Variants in CAPN15 observed in about 807,000 individuals in gnomAD.
CAPN15 encodes the protein calpain-15.
In CAPN15, 53 loss-of-function variants were observed where a neutral mutation model predicts 97.9. The ratio of observed to expected loss-of-function variants is 0.54; its 90% confidence interval spans 0.43 to 0.68. CAPN15 has a LOEUF of 0.68. CAPN15 is among the 30% of genes least tolerant of loss of function. The pLI is 0.00. For synonymous variants in CAPN15, 922 were observed against 722.5 expected (o/e 1.28, Z -4.43); for missense variants, 1,592 against 1,589.8 (o/e 1.00, Z -0.02).
At chr16:545,070 C>T (rs1017977536) in intron 3 of CAPN15, among the ~76,000 whole-genome samples, 6 of 151,826 alleles carry the variant, frequency 4.0e-5, no homozygotes, top group African/African-American at 7.3e-5. Context: ...GGGCTCCTGA[C>T]GCGAGCTTTT....
At chr16:538,878 C>G (rs536279642) in intron 3 of CAPN15, 31 of 151,782 alleles carry the variant, frequency 2.0e-4, no homozygotes, top group African/African-American at 6.5e-4. Context: ...CACCCCCACC[C>G]CCCCCAGCCC....
chr16:550,644 G>A (rs1342055398), intron 7 of CAPN15, among the ~76,000 whole-genome samples: 1 of 151,724 alleles, frequency 6.6e-6, no homozygotes, highest in African/African-American at 2.4e-5. Flanking sequence ...GTCAGTGAGG[G>A]TTCCCTGTCG....
chr16:527,793 C>T lies in CAPN15; in HGVS notation c.-426C>T, dbSNP rs1209837363. 6.7e-6 allele frequency: 1 copy of T among 148,652 alleles called. No homozygotes were observed. Among genetic ancestry groups the T allele is most frequent in the Non-Finnish European group, 1.5e-5 (1 of 66,754 alleles). The allele number at this position is 148,652 out of a possible 1,614,324, so 9.2% of individuals were successfully genotyped here. The stretch of plus-strand genomic sequence containing the variant: ...GGGGCCCGGGCCGGGCGCTACGCTA[C>T]GAAGGCAGCGTAAGGCGGGCGCCGG... On this transcript the variant is annotated 5_prime_UTR_variant, in exon 1 of 14. In the 5' UTR this introduces an upstream ATG that the reference lacks. Coordinates refer to ENST00000219611, the MANE Select transcript of CAPN15 (RefSeq NM_005632.3).
intron 3 of CAPN15, chr16:537,960 G>A (rs1357990767): frequency 2.0e-5 from 3 of 152,250 alleles, no homozygotes; most frequent in African/African-American, 4.8e-5. Flanking sequence ...CCTGGAGAAC[G>A]GGTCCTGGAT....
intron 3 of CAPN15, chr16:539,703 C>CT (rs1242773369): frequency 6.6e-6 from 1 of 152,400 alleles, no homozygotes; most frequent in Middle Eastern, 3.2e-3. Context: ...AAGCGGCCCC[C>CT]CAGATCTTCA....
rs767305318 is a variant in CAPN15 at position 552,738 on chromosome 16, C to T, written c.2871C>T (p.Ile957=). The T allele has an allele frequency of 3.2e-6, 5 of 1,544,282 alleles. No individual in the cohort carries two copies. The highest frequency in any genetic ancestry group is 3.5e-6 in the Non-Finnish European group (4 of 1,145,442). ...CGACCACGCTGGCCGACGCCATCAT[C>T]CTGCTCACCGAGAGCCGCGGAGAGC... ...AQPTTLADAI[I]LLTESRGERH... is the part of the protein sequence containing the mutation. Residue 957 remains isoleucine (I), a synonymous_variant, in exon 12 of 14, where the codon ATC becomes ATT. Coordinates refer to ENST00000219611, the MANE Select transcript of CAPN15 (RefSeq NM_005632.3). The surrounding 1 kb of genome is among the most constrained non-coding windows in gnomAD (Gnocchi z 6.4).
rs200680036 is a variant in CAPN15, at chr16:547,243, G to C, written c.405G>C (p.Glu135Asp). 6.6e-7 allele frequency: 1 copy of C among 1,514,078 alleles called. No individual in the cohort carries two copies. Among genetic ancestry groups the C allele is most frequent in the Non-Finnish European group, 8.8e-7 (1 of 1,137,256 alleles). 93.8% of individuals were successfully genotyped at this position (1,514,078 alleles called of 1,614,324 possible). A position where few individuals can be genotyped will look rare whatever the true frequency, so the allele number is the denominator to read the frequency against. ...DKDEEEKEEQ[E>D]EEEGAAEPRG... ...ACGAGGAGGAGAAGGAGGAGCAGGA[G>C]GAGGAGGAGGGAGCGGCGGAGCCCA... is the stretch of plus-strand genomic sequence containing the variant. Residue 135 changes from glutamate to aspartate, a missense_variant, in exon 4 of 14, where the codon GAG becomes GAC. By Grantham distance (45) the Glu-to-Asp change is conservative. This residue lies in a region of CAPN15 where 883 missense variants were observed against 776.6 expected (regional missense o/e 1.14). Transcript: ENST00000219611.
At position 552,264 on chromosome 16, in the gene CAPN15, G is replaced by T; in HGVS notation, c.2508-37G>T. ...TGGGCTGGGCTAGGCTGGCGGCCGT[G>T]ACCACGCGTGACCCTGGCCCGTGGT... On this transcript the variant is annotated intron_variant, in intron 10 of 13. Coordinates refer to ENST00000219611, the MANE Select transcript of CAPN15 (RefSeq NM_005632.3). This position sits in a 1 kb window ranked among gnomAD's most constrained non-coding sequence, Gnocchi z 6.4. The T allele has an allele frequency of 6.5e-7, 1 of 1,535,340 alleles. No individual in the cohort carries two copies. Among genetic ancestry groups the T allele is most frequent in the Non-Finnish European group, 8.8e-7 (1 of 1,140,766 alleles).
chr16:544,217 C>T (rs1567145299), intron 3 of CAPN15, among the ~76,000 whole-genome samples: 1 of 152,150 alleles, frequency 6.6e-6, no homozygotes, highest in Admixed American at 6.5e-5. Context: ...AGCAGAGCCC[C>T]CCATGGTATC....
chr16:540,158 C>T (rs559880187), intron 3 of CAPN15: 101 of 985,500 alleles, frequency 1.0e-4, no homozygotes, highest in Middle Eastern at 5.2e-4. Context: ...TGACCAGGTC[C>T]GGCTCTCAGC....
In CAPN15 at chr16:547,050, C is replaced by T. The variant is rs904293187; in HGVS notation, c.212C>T (p.Pro71Leu). ...KEACEVCGFT[P>L]EPAPGAAFLP... ...GCCTGCGAGGTGTGCGGCTTCACCCCGGAGCCTGCGCCTGGGGCTGCCTTC... is the reference window on the plus strand; with the variant it reads ...GCCTGCGAGGTGTGCGGCTTCACCCTGGAGCCTGCGCCTGGGGCTGCCTTC... The change falls in exon 4 of 14, where the codon CCG becomes CTG. Residue 71 changes from proline (P) to leucine (L), a missense_variant. This residue lies in a region of CAPN15 where 883 missense variants were observed against 776.6 expected (regional missense o/e 1.14). Transcript: ENST00000219611. 1.1e-5 allele frequency: 18 copies of T among 1,605,900 alleles called. No homozygotes were observed. The highest frequency in any genetic ancestry group is 1.4e-5 in the Non-Finnish European group (17 of 1,178,224).
rs1454366396 is a variant in CAPN15, at chr16:543,900, G to GC, written c.-22-2913dup. Among the ~76,000 whole-genome samples the GC allele has an allele frequency of 3.3e-5, 5 of 152,190 alleles. No individual in the cohort carries two copies. The South Asian group carries it at 1.0e-3, about 32-fold the overall frequency. On this transcript the variant is annotated intron_variant, in intron 3 of 13. Coordinates refer to ENST00000219611, the MANE Select transcript of CAPN15 (RefSeq NM_005632.3). ...ACGCCCCAGGACAGCAGGTGCTGTG[G>GC]CCCCATGACCGCTCCCCCACATGGA... is the stretch of plus-strand genomic sequence containing the variant.
chr16:547,271 G>C lies in CAPN15; in HGVS notation c.433G>C (p.Gly145Arg), dbSNP rs768256510. ...EEEEGAAEPR[G>R]GWACPRCTLH... is the part of the protein sequence containing the mutation. ...GGAGGAGGGAGCGGCGGAGCCCAGAGGGGGCTGGGCGTGTCCGCGTTGCAC... is the reference window on the plus strand; with the variant it reads ...GGAGGAGGGAGCGGCGGAGCCCAGACGGGGCTGGGCGTGTCCGCGTTGCAC... Residue 145 changes from glycine (G) to arginine (R), a missense_variant, in exon 4 of 14, where the codon GGG (glycine) becomes CGG (arginine). Transcript: ENST00000219611. The C allele has an allele frequency of 2.0e-6, 3 of 1,509,850 alleles. No individual in the cohort carries two copies. The highest frequency in any genetic ancestry group is 2.8e-5 in the African/African-American group (2 of 72,668). The allele number at this position is 1,509,850 out of a possible 1,614,324, so 93.5% of individuals were successfully genotyped here.
Position 532,418 on chromosome 16 carries a change from G to A in CAPN15, c.-189-1528G>A, listed in dbSNP as rs2033333512. Among the ~76,000 whole-genome samples the A allele has an allele frequency of 5.9e-5, 9 of 151,468 alleles. No individual in the cohort carries two copies. In the South Asian group the frequency reaches 1.9e-3, roughly 32 times the overall value. ...AAAAATACAAAAATTAGCTGGGCGT[G>A]GTGGTGTGTGCCTGTAATCCCAGAT... On this transcript the variant is annotated intron_variant, in intron 1 of 13. Coordinates refer to ENST00000219611, the MANE Select transcript of CAPN15 (RefSeq NM_005632.3).
intron 3 of CAPN15, among the ~76,000 whole-genome samples, chr16:545,036 G>A (rs370912022): frequency 2.6e-5 from 4 of 151,620 alleles, no homozygotes; most frequent in Non-Finnish European, 4.4e-5. Context: ...AAAGGGCTTC[G>A]CTCAGGCCTG....
At position 535,745 on chromosome 16, in the gene CAPN15, G is replaced by T. The variant is rs1314985573; in HGVS notation, c.-136-284G>T. Among the ~76,000 whole-genome samples the T allele has an allele frequency of 6.6e-6, 1 of 152,134 alleles. No homozygotes were observed. Among genetic ancestry groups the T allele is most frequent in the Non-Finnish European group, 1.5e-5 (1 of 68,004 alleles). ...TCTTGAGGCGCCGCCCTGAGAGTCA[G>T]CCCTGTGGTCACGGCTCCTGCTGGT... On this transcript the variant is annotated intron_variant, in intron 2 of 13. Transcript: ENST00000219611. This position sits in a 1 kb window ranked among gnomAD's most constrained non-coding sequence, Gnocchi z 6.2.
At chr16:542,499 T>C (rs1018752518) in intron 3 of CAPN15, among the ~76,000 whole-genome samples, 7 of 152,168 alleles carry the variant, frequency 4.6e-5, no homozygotes, top group African/African-American at 1.7e-4. Context: ...GGTGTCCCCT[T>C]GGCTTTGATC....
At position 554,231 on chromosome 16, in the gene CAPN15, T is replaced by TCGGCC. The variant is rs1345681500; in HGVS notation, c.*722_*726dup. 1 of 326,306 alleles carries TCGGCC rather than the reference T, an allele frequency of 3.1e-6. No homozygotes were observed. Among genetic ancestry groups the TCGGCC allele is most frequent in the Admixed American group, 3.9e-5 (1 of 25,374 alleles). The allele number at this position is 326,306 out of a possible 1,614,324, so 20.2% of individuals were successfully genotyped here. On this transcript the variant is annotated 3_prime_UTR_variant, in exon 14 of 14. Transcript: ENST00000219611. ...CAGGCTCCTCAGCCAACCCTGTCCC[T>TCGGCC]CGGCCCGGCCCTGCCAGAGAGGGAC... is the stretch of plus-strand genomic sequence containing the variant.
rs764328719 is a variant in CAPN15 at position 552,449 on chromosome 16, C to T, written c.2656C>T (p.Leu886=). 11 of 1,609,984 alleles carry T rather than the reference C, an allele frequency of 6.8e-6. No homozygotes were observed. The highest frequency in any genetic ancestry group is 4.5e-5 in the East Asian group (2 of 44,876). ...VKKFVSCDVM[L]EPGEYAVVCC... is the part of the protein sequence containing the mutation. The stretch of plus-strand genomic sequence containing the variant: ...GAAGTTCGTCAGCTGCGACGTCATG[C>T]TGGAGCCTGGCGAGTACGCTGTGGT... The change falls in exon 11 of 14, where the codon CTG becomes TTG. Residue 886 remains leucine (L), a synonymous_variant. Transcript: ENST00000219611. This position sits in a 1 kb window ranked among gnomAD's most constrained non-coding sequence, Gnocchi z 6.4.
Sources: allele counts gnomAD v4.1 joint callset (sites outside exome capture counted in the v4.1 genomes callset), GRCh38; gene constraint gnomAD v4.1.1; regional missense constraint gnomAD v4.1.1; non-coding constraint Gnocchi (gnomAD v3.1); transcripts MANE v1.5; gene names NCBI Gene and HGNC (gene_info 2026-07-23, HGNC 2026-07-21).